PPFIA3: variants seen among roughly 807,000 people sequenced by gnomAD.
PPFIA3 encodes the protein PPFI scaffold protein A3.
PPFIA3 carries 26 observed loss-of-function variants against 145.8 expected under a neutral mutation model. That is an observed-to-expected ratio of 0.18 (90% CI 0.13 to 0.25). The LOEUF (loss-of-function observed/expected upper bound fraction) is 0.25, where lower values mean the gene tolerates loss of function less well. PPFIA3 is among the 10% of genes least tolerant of loss of function. The pLI, the probability that PPFIA3 is intolerant of heterozygous loss-of-function variation, is 1.00. For synonymous variants in PPFIA3, 645 were observed against 661.4 expected, an observed-to-expected ratio of 0.98 and a Z score of 0.38; for missense variants, 1,008 against 1,587.8, an observed-to-expected ratio of 0.63 and a Z score of 6.21.
chr19:49,137,658 A>AAAAAAAAAG, intron 15 of PPFIA3, among the ~76,000 whole-genome samples: 1 of 122,260 alleles, frequency 8.2e-6, no homozygotes, highest in Non-Finnish European at 1.7e-5. Flanking sequence ...AAAAAAAAAA[A>AAAAAAAAAG]GTCCCCAACT....
intron 15 of PPFIA3, among the ~76,000 whole-genome samples, chr19:49,137,876 T>TA (rs1469700484): frequency 1.3e-5 from 2 of 152,256 alleles, no homozygotes; most frequent in East Asian, 3.9e-4. Context: ...ACCTTGCTCT[T>TA]ACAGGCCACC....
chr19:49,138,373 C>G lies in PPFIA3; in HGVS notation c.2022C>G (p.His674Gln). Residue 674 changes from histidine to glutamine, a missense_variant, in exon 16 of 30, where the codon CAC (histidine) becomes CAG (glutamine). Physicochemically the swap from His to Gln is conservative, Grantham distance 24. Coordinates refer to ENST00000334186, the MANE Select transcript of PPFIA3 (RefSeq NM_003660.4). Reference sequence around the variant, plus strand: ...GCCCCTCCCCTCCCAGCTCTGGCCACTCAACACCCCGCCTGGCACCCCCTA... The same window carrying G: ...GCCCCTCCCCTCCCAGCTCTGGCCAGTCAACACCCCGCCTGGCACCCCCTA... ...LASPSPPSSG[H>Q]STPRLAPPSP... 6.3e-7 allele frequency: 1 copy of G among 1,599,712 alleles called. No individual in the cohort carries two copies. The highest frequency in any genetic ancestry group is 2.2e-5 in the East Asian group (1 of 44,542).
rs2041026827 is a variant in PPFIA3 at position 49,128,171 on chromosome 19, G to T, written c.240+58G>T. 1 of 1,472,968 alleles carries T rather than the reference G, an allele frequency of 6.8e-7. No homozygotes were observed. The highest frequency in any genetic ancestry group is 9.0e-7 in the Non-Finnish European group (1 of 1,113,114). 91.2% of individuals were successfully genotyped at this position (1,472,968 alleles called of 1,614,324 possible). ...GCGGGGCCTCGGGGGGAAGAAGGCG[G>T]TCCGGAAGGGGCCGGGCTTGGCGCC... On this transcript the variant is annotated intron_variant, in intron 2 of 29. Transcript: ENST00000334186. The surrounding 1 kb of genome is among the most constrained non-coding windows in gnomAD (Gnocchi z 4.1).
Position 49,127,949 on chromosome 19 carries a change from G to C in PPFIA3, c.76G>C (p.Gly26Arg), listed in dbSNP as rs1371239823. The C allele has an allele frequency of 3.1e-6, 5 of 1,594,334 alleles. No homozygotes were observed. The highest frequency in any genetic ancestry group is 4.2e-6 in the Non-Finnish European group (5 of 1,178,056). Residue 26 changes from glycine (G) to arginine (R), a missense_variant, in exon 2 of 30, where the codon GGG becomes CGG. Physicochemically the swap from Gly to Arg is moderately radical, Grantham distance 125. Around this residue, in one of 11 missense-constraint regions of PPFIA3, gnomAD observed 108 missense variants for 144.3 expected, o/e 0.75. Transcript: ENST00000334186. Reference sequence around the variant, plus strand: ...GGCGCTGGGCCCGGACGAGGCGGGCGGGGAGCTGGAGCGCCTCATGGTCAC... The same window carrying C: ...GGCGCTGGGCCCGGACGAGGCGGGCCGGGAGCTGGAGCGCCTCATGGTCAC... ...GSALGPDEAG[G>R]ELERLMVTML...
intron 5 of PPFIA3, 102 bp downstream of exon 5, chr19:49,129,556 G>T (rs2041044460): frequency 1.6e-6 from 2 of 1,263,926 alleles, no homozygotes; most frequent in South Asian, 1.3e-5. Context: ...AGAATCTATT[G>T]GGGCAGGACT....
Position 49,120,105 on chromosome 19 carries a change from C to A in PPFIA3, c.-16+383C>A, listed in dbSNP as rs984962669. Among the ~76,000 whole-genome samples the A allele has an allele frequency of 6.6e-6, 1 of 152,090 alleles. No individual in the cohort carries two copies. Among genetic ancestry groups the A allele is most frequent in the Non-Finnish European group, 1.5e-5 (1 of 67,988 alleles). ...TCCCCGCTTCGCGCACTCCGTCTCC[C>A]GTCGCCAGCCTCGGGCTTGCACAGC... On this transcript the variant is annotated intron_variant, in intron 1 of 29. Coordinates refer to ENST00000334186, the MANE Select transcript of PPFIA3 (RefSeq NM_003660.4). The surrounding 1 kb of genome is among the most constrained non-coding windows in gnomAD (Gnocchi z 4.6).
intron 23 of PPFIA3, among the ~76,000 whole-genome samples, chr19:49,147,575 T>G (rs138947522): frequency 1.3e-3 from 203 of 151,686 alleles, no homozygotes; most frequent in Non-Finnish European, 2.3e-3. Context: ...TAATCCCAGC[T>G]ACTCGAAGGC....
Position 49,149,357 on chromosome 19 carries a change from T to C in PPFIA3, c.3354+32T>C. The C allele has an allele frequency of 6.2e-7, 1 of 1,611,558 alleles. No homozygotes were observed. The highest frequency in any genetic ancestry group is 8.5e-7 in the Non-Finnish European group (1 of 1,178,068). On this transcript the variant is annotated intron_variant, in intron 27 of 29. Coordinates refer to ENST00000334186, the MANE Select transcript of PPFIA3 (RefSeq NM_003660.4). This position sits in a 1 kb window ranked among gnomAD's most constrained non-coding sequence, Gnocchi z 5.7. ...GCGGCAACAGCTCAGAGGGCTCTGC[T>C]CCCAGCGGCTCCTCGAGAGGCTGAG...
In PPFIA3 at chr19:49,130,127, G is replaced by T; in HGVS notation, c.657+60G>T. The T allele has an allele frequency of 6.6e-7, 1 of 1,523,376 alleles. No individual in the cohort carries two copies. The allele number at this position is 1,523,376 out of a possible 1,614,324, so 94.4% of individuals were successfully genotyped here. Reference sequence around the variant, plus strand: ...TTCAACTCCCTGACTTTGTGATAGTGTTTGTAACGTTTGGTATCATCCTCA... The same window carrying T: ...TTCAACTCCCTGACTTTGTGATAGTTTTTGTAACGTTTGGTATCATCCTCA... On this transcript the variant is annotated intron_variant, in intron 6 of 29. Coordinates refer to ENST00000334186, the MANE Select transcript of PPFIA3 (RefSeq NM_003660.4). This position sits in a 1 kb window ranked among gnomAD's most constrained non-coding sequence, Gnocchi z 4.5.
rs1331455659 is a variant in PPFIA3 at position 49,148,677 on chromosome 19, A to G, written c.3023A>G (p.His1008Arg). Residue 1008 changes from histidine to arginine, a missense_variant, in exon 25 of 30, where the codon CAT (histidine) becomes CGT (arginine). His to Arg is a conservative substitution (Grantham distance 29). Coordinates refer to ENST00000334186, the MANE Select transcript of PPFIA3 (RefSeq NM_003660.4). ...CCCCTGCTGCTCAGGGTGAGTCTAC[A>G]TTATGGGATTATGTGCCTGAAACGG... ...MVDSFHRVSL[H>R]YGIMCLKRLN... 3 of 1,613,492 alleles carry G rather than the reference A, an allele frequency of 1.9e-6. No homozygotes were observed. Among genetic ancestry groups the G allele is most frequent in the Non-Finnish European group, 2.5e-6 (3 of 1,179,560 alleles).
Position 49,135,035 on chromosome 19 carries a change from T to TTTTTTTTG in PPFIA3, c.1520+123_1520+124insTTTTGTTT, listed in dbSNP as rs1555743460. 589 of 691,068 alleles carry TTTTTTTTG rather than the reference T, an allele frequency of 8.5e-4. 2 individuals carry two copies. The highest frequency in any genetic ancestry group is 1.0e-3 in the South Asian group (41 of 40,536). 42.8% of individuals were successfully genotyped at this position (691,068 alleles called of 1,614,324 possible). On this transcript the variant is annotated intron_variant, in intron 13 of 29. Coordinates refer to ENST00000334186, the MANE Select transcript of PPFIA3 (RefSeq NM_003660.4). Reference sequence around the variant, plus strand: ...GACTTCTGACCCCTCTGTTTTTGTTTTTTGTTTGTTTGTTTGTTTGTTTTG... The same window carrying TTTTTTTTG: ...GACTTCTGACCCCTCTGTTTTTGTTTTTTTTTTGTTTGTTTGTTTGTTTGTTTGTTTTG...
rs985659364 is a variant in PPFIA3, at chr19:49,127,478, A to C, written c.-15-381A>C. 1.5e-4 allele frequency among the ~76,000 whole-genome samples: 23 copies of C among 150,390 alleles called. No homozygotes were observed. The South Asian group carries it at 3.2e-3, about 21-fold the overall frequency. ...GCCAGGTATGCTGGTGTGTGCCTGT[A>C]GTCGCAGCTACTCAGGAGGCTGAGT... On this transcript the variant is annotated intron_variant, in intron 1 of 29. Transcript: ENST00000334186.
chr19:49,149,045 C>G lies in PPFIA3; in HGVS notation c.3162C>G (p.Gly1054=). The change falls in exon 26 of 30, where the codon GGC becomes GGG. Residue 1054 remains glycine (G), a synonymous_variant. Transcript: ENST00000334186. The surrounding 1 kb of genome is among the most constrained non-coding windows in gnomAD (Gnocchi z 5.7). ...TCATGGGTTGGGTGTCCGGGCTGGG[C>G]CTGAAGGAATTTGCCACGAACCTCA... ...ERVMGWVSGL[G]LKEFATNLTE... The G allele has an allele frequency of 6.2e-7, 1 of 1,614,118 alleles. No homozygotes were observed. Among genetic ancestry groups the G allele is most frequent in the Non-Finnish European group, 8.5e-7 (1 of 1,180,020 alleles).
chr19:49,120,598 C>T lies in PPFIA3; in HGVS notation c.-16+876C>T, dbSNP rs921704949. On this transcript the variant is annotated intron_variant, in intron 1 of 29. Transcript: ENST00000334186. This position sits in a 1 kb window ranked among gnomAD's most constrained non-coding sequence, Gnocchi z 4.6. ...CCAGCGTTTGCTCTGCTTAGAACCC[C>T]GCTGTGCCCTGCAGACACACAGACT... Among the ~76,000 whole-genome samples the T allele has an allele frequency of 1.3e-5, 2 of 152,184 alleles. No homozygotes were observed. Among genetic ancestry groups the T allele is most frequent in the Admixed American group, 6.5e-5 (1 of 15,280 alleles).
At position 49,128,666 on chromosome 19, in the gene PPFIA3, TTC is replaced by T; in HGVS notation, c.343-178_343-177del. On this transcript the variant is annotated intron_variant, in intron 3 of 29. Transcript: ENST00000334186. The surrounding 1 kb of genome is among the most constrained non-coding windows in gnomAD (Gnocchi z 4.1). ...TCCTTCCTCCCTGTCTCCATAACTT[TTC>T]TCTTTTCTGTACCACCGGTTCCTTG... 1.3e-6 allele frequency: 1 copy of T among 760,488 alleles called. No homozygotes were observed. Among genetic ancestry groups the T allele is most frequent in the South Asian group, 1.9e-5 (1 of 53,654 alleles). 47.1% of individuals were successfully genotyped at this position (760,488 alleles called of 1,614,324 possible). A position where few individuals can be genotyped will look rare whatever the true frequency, so the allele number is the denominator to read the frequency against.
chr19:49,140,980 G>A (rs1027750606), intron 18 of PPFIA3, among the ~76,000 whole-genome samples: 1 of 152,118 alleles, frequency 6.6e-6, no homozygotes, highest in Non-Finnish European at 1.5e-5. Flanking sequence ...GAGGAAGAGG[G>A]TGGGGCATCC....
intron 21 of PPFIA3, chr19:49,145,730 A>G (rs973181147): frequency 5.1e-6 from 3 of 589,786 alleles, no homozygotes; most frequent in African/African-American, 1.9e-5. Context: ...CAGGGTCCCA[A>G]TTCCAACCTG....
At chr19:49,129,320 G>A in intron 4 of PPFIA3, 60 bp from the exon 5 acceptor site, 1 of 1,519,896 alleles carries the variant, frequency 6.6e-7, no homozygotes, top group Non-Finnish European at 8.9e-7. Flanking sequence ...CTGGACCAGG[G>A]GCAACTGTCC....
chr19:49,136,787 T>C lies in PPFIA3; in HGVS notation c.1729T>C (p.Ser577Pro). 6.3e-7 allele frequency: 1 copy of C among 1,591,614 alleles called. No individual in the cohort carries two copies. Among genetic ancestry groups the C allele is most frequent in the Non-Finnish European group, 8.6e-7 (1 of 1,169,222 alleles). ...CCCATTCCCTGGGGAACTGGACGGC[T>C]CCGATGAGGAGGAGGCAGAGGGGAT... ...PPPFPGELDG[S>P]DEEEAEGMFG... The change falls in exon 15 of 30, where the codon TCC becomes CCC. Residue 577 changes from serine (S) to proline (P), a missense_variant. Physicochemically the swap from Ser to Pro is moderately conservative, Grantham distance 74 (BLOSUM62 -1). Transcript: ENST00000334186.
Sources: allele counts gnomAD v4.1 joint callset (sites outside exome capture counted in the v4.1 genomes callset), GRCh38; gene constraint gnomAD v4.1.1; regional missense constraint gnomAD v4.1.1; non-coding constraint Gnocchi (gnomAD v3.1); transcripts MANE v1.5; gene names NCBI Gene and HGNC (gene_info 2026-07-23, HGNC 2026-07-21).